CACNA1H: variants seen among roughly 807,000 people sequenced by gnomAD.
The protein encoded by CACNA1H is calcium voltage-gated channel subunit alpha1 H.
CACNA1H carries 149 observed loss-of-function variants against 192.5 expected under a neutral mutation model. The observed-to-expected ratio is 0.77, with a 90% CI of 0.68 to 0.89. The LOEUF (loss-of-function observed/expected upper bound fraction) is 0.89, where lower values mean the gene tolerates loss of function less well. Ranked by LOEUF, CACNA1H falls within the 40% of genes least tolerant of loss-of-function variation. The pLI is 0.00. For synonymous variants in CACNA1H, 2,202 were observed against 1,475.2 expected (o/e 1.49, Z -11.29); for missense variants, 4,257 against 3,423.5 (o/e 1.24, Z -6.08).
rs970637248 is a variant in CACNA1H at position 1,198,476 on chromosome 16, G to A, written c.644-139G>A. Reference sequence around the variant, plus strand: ...AGGGGTGCGGGAAAATCACCAGGGGGTGGCCCGAGTCAGTGTGCAGTGGGC... The same window carrying A: ...AGGGGTGCGGGAAAATCACCAGGGGATGGCCCGAGTCAGTGTGCAGTGGGC... On this transcript the variant is annotated intron_variant, in intron 5 of 34. Coordinates refer to ENST00000348261, the MANE Select transcript of CACNA1H (RefSeq NM_021098.3). The A allele has an allele frequency of 2.7e-5, 23 of 846,604 alleles. No individual in the cohort carries two copies. In the Admixed American group the frequency reaches 3.5e-4, roughly 13 times the overall value. The allele number at this position is 846,604 out of a possible 1,614,324, so 52.4% of individuals were successfully genotyped here. A position where few individuals can be genotyped will look rare whatever the true frequency, so the allele number is the denominator to read the frequency against.
chr16:1,214,934 C>G (rs749884334), intron 27 of CACNA1H, 38 bp from the exon 28 acceptor site: 1 of 1,466,734 alleles, frequency 6.8e-7, no homozygotes. Flanking sequence ...AGGGGTGGCC[C>G]CAGCCCCACC....
At chr16:1,205,490 C>T (rs1041012863) in intron 11 of CACNA1H, among the ~76,000 whole-genome samples, 13 of 152,194 alleles carry the variant, frequency 8.5e-5, no homozygotes, top group Middle Eastern at 3.2e-3. Context: ...CTACGGGGTG[C>T]GCACCTGTTA....
intron 2 of CACNA1H, among the ~76,000 whole-genome samples, chr16:1,190,443 G>T (rs1018565476): frequency 2.0e-5 from 3 of 152,214 alleles, no homozygotes; most frequent in Non-Finnish European, 4.4e-5. Context: ...GCCCAGAGCT[G>T]CCCGAGCCCC....
chr16:1,170,238 T>C (rs74004839), intron 2 of CACNA1H, among the ~76,000 whole-genome samples: 13,860 of 152,130 alleles, frequency 0.091, 1,876 homozygotes, highest in African/African-American at 0.3. Context: ...CTGTTCCCAC[T>C]CAGTGCAGAG....
chr16:1,210,319 C>G, intron 18 of CACNA1H, 51 bp from the exon 19 acceptor site: 1 of 1,477,112 alleles, frequency 6.8e-7, no homozygotes, highest in Non-Finnish European at 9.1e-7. Context: ...CCCATCCACT[C>G]TGCCATCCAC....
chr16:1,196,121 G>T, intron 5 of CACNA1H, 98 bp downstream of exon 5: 1 of 969,548 alleles, frequency 1.0e-6, no homozygotes, highest in Non-Finnish European at 1.6e-6. Context: ...ACAGGACTGG[G>T]AAATGAAGGT....
intron 2 of CACNA1H, among the ~76,000 whole-genome samples, chr16:1,163,088 C>T (rs1963390404): frequency 6.6e-6 from 1 of 152,258 alleles, no homozygotes; most frequent in Non-Finnish European, 1.5e-5. Context: ...CCCAGCCTCT[C>T]TGTTCTGGGC....
In CACNA1H at chr16:1,200,296, G is replaced by A. The variant is rs119454948; in HGVS notation, c.844G>A (p.Glu282Lys). 22 of 1,605,776 alleles carry A rather than the reference G, an allele frequency of 1.4e-5. No individual in the cohort carries two copies. Among genetic ancestry groups the A allele is most frequent in the Middle Eastern group, 1.6e-4 (1 of 6,068 alleles). ...LTFLRPYYQTEEGEENPFICS... is the reference protein window; with the variant it reads ...LTFLRPYYQTKEGEENPFICS... ...CTTCCTGCGGCCGTACTACCAGACGGAGGAGGGCGAGGAGAACCCGTTCAT... is the reference window on the plus strand; with the variant it reads ...CTTCCTGCGGCCGTACTACCAGACGAAGGAGGGCGAGGAGAACCCGTTCAT... Residue 282 changes from glutamate (E) to lysine (K), a missense_variant, in exon 7 of 35, where the codon GAG (glutamate) becomes AAG (lysine). By Grantham distance (56) the Glu-to-Lys change is moderately conservative (BLOSUM62 1). Coordinates refer to ENST00000348261, the MANE Select transcript of CACNA1H (RefSeq NM_021098.3).
At chr16:1,192,486 C>T (rs967358062) in intron 2 of CACNA1H, among the ~76,000 whole-genome samples, 1 of 152,248 alleles carries the variant, frequency 6.6e-6, no homozygotes, top group Non-Finnish European at 1.5e-5. Flanking sequence ...CCTTCTGTCC[C>T]CATTGGGCCC....
rs1961830741 is a variant in CACNA1H, at chr16:1,153,396, G to A, written c.-93G>A. 7.0e-6 allele frequency: 1 copy of A among 142,996 alleles called. No homozygotes were observed. Among genetic ancestry groups the A allele is most frequent in the African/African-American group, 2.5e-5 (1 of 39,700 alleles). 8.9% of individuals were successfully genotyped at this position (142,996 alleles called of 1,614,324 possible). A position where few individuals can be genotyped will look rare whatever the true frequency, so the allele number is the denominator to read the frequency against. Reference sequence around the variant, plus strand: ...GCGCTGGGGGCCGGGGCCGGGGCCGGGCGCCGAGCGGGGTCCGCGGTGACC... The same window carrying A: ...GCGCTGGGGGCCGGGGCCGGGGCCGAGCGCCGAGCGGGGTCCGCGGTGACC... On this transcript the variant is annotated 5_prime_UTR_variant, in exon 1 of 35. Transcript: ENST00000348261.
At chr16:1,163,737 C>G (rs1267911210) in intron 2 of CACNA1H, among the ~76,000 whole-genome samples, 1 of 152,226 alleles carries the variant, frequency 6.6e-6, no homozygotes, top group African/African-American at 2.4e-5. Context: ...TGGCTGGTAG[C>G]TGGGACCACG....
intron 2 of CACNA1H, among the ~76,000 whole-genome samples, chr16:1,165,302 C>G (rs1963645370): frequency 6.6e-6 from 1 of 152,196 alleles, no homozygotes; most frequent in Non-Finnish European, 1.5e-5. Flanking sequence ...GGCAAAGGCT[C>G]AGAATCGGCA....
rs371939538 is a variant in CACNA1H at position 1,216,922 on chromosome 16, T to C, written c.5245-10T>C. On this transcript the variant is annotated splice_polypyrimidine_tract_variant and intron_variant, in intron 30 of 34. Transcript: ENST00000348261. ...CCCGTCTGACCCAGCTCTGCTTCTC[T>C]CTTGTGTAGGTGGGGAACCTGGGCC... 17 of 1,597,904 alleles carry C rather than the reference T, an allele frequency of 1.1e-5. No individual in the cohort carries two copies. In the South Asian group the frequency reaches 1.7e-4, roughly 16 times the overall value.
intron 9 of CACNA1H, among the ~76,000 whole-genome samples, chr16:1,203,745 A>G (rs971676584): frequency 2.6e-5 from 4 of 151,952 alleles, no homozygotes; most frequent in African/African-American, 9.7e-5. Flanking sequence ...CTGTCTTCAC[A>G]TGGCTCTTTG....
rs1481549008 is a variant in CACNA1H at position 1,195,314 on chromosome 16, G to T, written c.412-118G>T. ...CTCAGTTCCTGGGGCTCAGGGCGGGGCAGGGGCGGGGCGAGGGGTGTGGCA... is the reference window on the plus strand; with the variant it reads ...CTCAGTTCCTGGGGCTCAGGGCGGGTCAGGGGCGGGGCGAGGGGTGTGGCA... On this transcript the variant is annotated intron_variant, in intron 3 of 34. Coordinates refer to ENST00000348261, the MANE Select transcript of CACNA1H (RefSeq NM_021098.3). 3.0e-6 allele frequency: 4 copies of T among 1,326,668 alleles called. No homozygotes were observed. The East Asian group carries it at 1.0e-4, about 34-fold the overall frequency. The allele number at this position is 1,326,668 out of a possible 1,614,324, so 82.2% of individuals were successfully genotyped here. A position where few individuals can be genotyped will look rare whatever the true frequency, so the allele number is the denominator to read the frequency against.
At chr16:1,175,775 G>A (rs1479890035) in intron 2 of CACNA1H, among the ~76,000 whole-genome samples, 1 of 152,238 alleles carries the variant, frequency 6.6e-6, no homozygotes, top group Admixed American at 6.5e-5. Context: ...GGCTGGGCAG[G>A]TAGGTGGGCA....
Position 1,220,183 on chromosome 16 carries a change from C to A in CACNA1H, c.6251C>A (p.Ala2084Glu), listed in dbSNP as rs368835582. Reference protein sequence around the residue: ...FGQRCVSSRPAAPGGEEAEAS... With the variant: ...FGQRCVSSRPEAPGGEEAEAS... ...CAGCGCTGCGTCTCCAGCCGGCCGGCGGCCCCAGGCGGAGAGGAGGCCGAG... is the reference window on the plus strand; with the variant it reads ...CAGCGCTGCGTCTCCAGCCGGCCGGAGGCCCCAGGCGGAGAGGAGGCCGAG... Residue 2084 changes from alanine to glutamate, a missense_variant, in exon 35 of 35, where the codon GCG (alanine) becomes GAG (glutamate). Coordinates refer to ENST00000348261, the MANE Select transcript of CACNA1H (RefSeq NM_021098.3). The A allele has an allele frequency of 6.6e-7, 1 of 1,521,666 alleles. No individual in the cohort carries two copies. The highest frequency in any genetic ancestry group is 1.3e-5 in the South Asian group (1 of 77,340). The allele number at this position is 1,521,666 out of a possible 1,614,324, so 94.3% of individuals were successfully genotyped here. A position where few individuals can be genotyped will look rare whatever the true frequency, so the allele number is the denominator to read the frequency against.
intron 2 of CACNA1H, among the ~76,000 whole-genome samples, chr16:1,169,850 G>T (rs1964186558): frequency 6.6e-6 from 1 of 152,280 alleles, no homozygotes; most frequent in Admixed American, 6.5e-5. Flanking sequence ...TTCCCCGTGA[G>T]GCCGGACATG....
chr16:1,185,188 C>A (rs1048431884), intron 2 of CACNA1H, among the ~76,000 whole-genome samples: 1 of 152,196 alleles, frequency 6.6e-6, no homozygotes, highest in Non-Finnish European at 1.5e-5. Context: ...GAGCTTTCTT[C>A]CTTTTCATGG....
Sources: gnomAD v4.1 joint callset for allele counts (sites outside exome capture counted in the v4.1 genomes callset) on GRCh38, gnomAD v4.1.1 for gene constraint, MANE v1.5 for transcripts, NCBI Gene and HGNC (gene_info 2026-07-23, HGNC 2026-07-21) for gene names.